Variants in TRIO observed in about 807,000 individuals in gnomAD.
The protein encoded by TRIO is triple functional domain protein.
In TRIO, 58 loss-of-function variants were observed where a neutral mutation model predicts 351.9. That is an observed-to-expected ratio of 0.16 (90% CI 0.13 to 0.21). The LOEUF (loss-of-function observed/expected upper bound fraction) is 0.21. TRIO is among the 10% of genes least tolerant of loss of function. The pLI, the probability that TRIO is intolerant of heterozygous loss-of-function variation, is 1.00. For synonymous variants in TRIO, 1,758 were observed against 1,595.7 expected (o/e 1.10, Z -2.42); for missense variants, 3,201 against 4,027.8 (o/e 0.79, Z 5.56).
intron 25 of TRIO, among the ~76,000 whole-genome samples, 163 bp from the exon 26 acceptor site, chr5:14,390,068 G>A (rs142368320): frequency 5.3e-5 from 8 of 152,318 alleles, no homozygotes; most frequent in South Asian, 4.1e-4. Context: ...ATTTGAAGGC[G>A]AAACTGGCTA....
chr5:14,275,822 AATAT>A (rs60490759), intron 2 of TRIO, among the ~76,000 whole-genome samples: 9,680 of 148,972 alleles, frequency 0.065, 381 homozygotes, highest in African/African-American at 0.11. Context: ...GTAATACACA[AATAT>A]ATATATACCA....
At chr5:14,460,532 C>T (rs1339684097) in intron 34 of TRIO, among the ~76,000 whole-genome samples, 1 of 152,234 alleles carries the variant, frequency 6.6e-6, no homozygotes, top group Non-Finnish European at 1.5e-5. Context: ...GAGAATCAAA[C>T]TAATGCACTT....
chr5:14,293,090 A>G lies in TRIO; in HGVS notation c.1132A>G (p.Met378Val), dbSNP rs573799858. The G allele has an allele frequency of 7.4e-6, 12 of 1,614,202 alleles. No homozygotes were observed. The African/African-American group carries it at 9.3e-5, about 13-fold the overall frequency. Residue 378 changes from methionine (M) to valine (V), a missense_variant, in exon 6 of 57, where the codon ATG (methionine) becomes GTG (valine). By Grantham distance (21) the Met-to-Val change is conservative (BLOSUM62 1). This residue lies in a region of TRIO where 349 missense variants were observed against 449.3 expected (regional missense o/e 0.78). Coordinates refer to ENST00000344204, the MANE Select transcript of TRIO (RefSeq NM_007118.4). ...TEIGTSHPHA[M>V]ELQTQHNHFA... ...GATTGGGACCAGCCACCCTCATGCC[A>G]TGGAGCTTCAGACGCAGCACAATCA... is the stretch of plus-strand genomic sequence containing the variant.
chr5:14,240,192 T>C (rs956190395), intron 1 of TRIO, among the ~76,000 whole-genome samples: 3 of 152,250 alleles, frequency 2.0e-5, no homozygotes, highest in Non-Finnish European at 4.4e-5. Flanking sequence ...AGAAACTAAG[T>C]GAAGCCTGAA....
intron 48 of TRIO, chr5:14,488,565 G>A (rs1756226151): frequency 3.9e-6 from 2 of 513,816 alleles, no homozygotes; most frequent in Admixed American, 3.5e-5. Context: ...TTTAACCTCT[G>A]CCTTCCTCAC....
chr5:14,476,807 A>T (rs1278806709), intron 40 of TRIO, 87 bp from the exon 41 acceptor site: 1 of 1,013,214 alleles, frequency 9.9e-7, no homozygotes, highest in Non-Finnish European at 1.4e-6. Context: ...AAAAAAAGAA[A>T]AAAAGAAAAA....
chr5:14,364,588 C>A, intron 14 of TRIO, 62 bp from the exon 15 acceptor site: 1 of 1,538,968 alleles, frequency 6.5e-7, no homozygotes, highest in East Asian at 2.3e-5. Flanking sequence ...TGCCATCCAC[C>A]CTTTGAGAAC....
At chr5:14,173,104 G>A (rs1190807503) in intron 1 of TRIO, among the ~76,000 whole-genome samples, 3 of 151,954 alleles carry the variant, frequency 2.0e-5, no homozygotes, top group East Asian at 1.9e-4. Context: ...GAAATGTGAC[G>A]GTTGGGGTGG....
chr5:14,305,248 C>T (rs1738258366), intron 8 of TRIO, among the ~76,000 whole-genome samples: 1 of 152,252 alleles, frequency 6.6e-6, no homozygotes, highest in Non-Finnish European at 1.5e-5. Flanking sequence ...TGCATGTTCT[C>T]AGTCACCACC....
intron 10 of TRIO, among the ~76,000 whole-genome samples, chr5:14,334,791 C>T (rs1237250859): frequency 6.6e-6 from 1 of 152,234 alleles, no homozygotes; most frequent in African/African-American, 2.4e-5. Flanking sequence ...GGAAGGAAGC[C>T]ACCTGCAGGT....
intron 11 of TRIO, among the ~76,000 whole-genome samples, chr5:14,356,781 G>A (rs75593790): frequency 0.027 from 4,102 of 152,126 alleles, 212 homozygotes; most frequent in African/African-American, 0.094. Flanking sequence ...ACTGCTATTC[G>A]ACAGTGGAAA....
intron 8 of TRIO, among the ~76,000 whole-genome samples, chr5:14,316,121 A>T (rs1739361962): frequency 6.6e-6 from 1 of 152,186 alleles, no homozygotes; most frequent in Non-Finnish European, 1.5e-5. Flanking sequence ...TAAAATTATT[A>T]CTTTTAAATT....
intron 40 of TRIO, among the ~76,000 whole-genome samples, chr5:14,475,388 C>T (rs1229134990): frequency 4.6e-5 from 7 of 152,116 alleles, no homozygotes; most frequent in African/African-American, 1.7e-4. Flanking sequence ...CCTGGGTGTT[C>T]CCCATCAGAC....
In TRIO at chr5:14,270,834, A is replaced by G. The variant is rs1318239714; in HGVS notation, c.167A>G (p.Lys56Arg). The change falls in exon 2 of 57, where the codon AAA becomes AGA. Residue 56 changes from lysine (K) to arginine (R), a missense_variant. By Grantham distance (26) the Lys-to-Arg change is conservative (BLOSUM62 2). This residue lies in a region of TRIO where 109 missense variants were observed against 134.6 expected (regional missense o/e 0.81). Transcript: ENST00000344204. ...IAAFFRSGFRKNDEMKAMDVL... is the reference protein window; with the variant it reads ...IAAFFRSGFRRNDEMKAMDVL... ...TCCTTCTGTATTTCAGGGTTTCGAA[A>G]AAACGATGAAATGAAAGCTATGGAT... 6.2e-7 allele frequency: 1 copy of G among 1,613,778 alleles called. No individual in the cohort carries two copies. The highest frequency in any genetic ancestry group is 2.2e-5 in the East Asian group (1 of 44,882).
intron 27 of TRIO, among the ~76,000 whole-genome samples, chr5:14,392,779 G>T (rs1183433197): frequency 6.6e-6 from 1 of 152,206 alleles, no homozygotes; most frequent in Non-Finnish European, 1.5e-5. Context: ...GGGCACAGCG[G>T]CTCACGCCTG....
chr5:14,387,233 C>T (rs1746622390), intron 21 of TRIO: 1 of 485,962 alleles, frequency 2.1e-6, no homozygotes, highest in Admixed American at 3.4e-5. Flanking sequence ...ATAAAAATGC[C>T]ATTCGTTGTA....
chr5:14,310,656 G>A (rs1393023131), intron 8 of TRIO, among the ~76,000 whole-genome samples: 1 of 152,228 alleles, frequency 6.6e-6, no homozygotes, highest in Non-Finnish European at 1.5e-5. Flanking sequence ...TCTCCGTGAT[G>A]TGTGTGGAAG....
chr5:14,227,497 AT>A (rs1043348118), intron 1 of TRIO, among the ~76,000 whole-genome samples: 2 of 152,160 alleles, frequency 1.3e-5, no homozygotes, highest in African/African-American at 4.8e-5. Context: ...CCAGTTTTTT[AT>A]TTAATGCAGT....
intron 53 of TRIO, 113 bp downstream of exon 53, chr5:14,498,753 T>C: frequency 6.7e-7 from 1 of 1,494,992 alleles, no homozygotes; most frequent in Middle Eastern, 1.8e-4. Flanking sequence ...GATAGAACAA[T>C]AAGTCATTTG....
Sources: gnomAD v4.1 joint callset for allele counts (sites outside exome capture counted in the v4.1 genomes callset) on GRCh38, gnomAD v4.1.1 for gene constraint, gnomAD v4.1.1 regional missense constraint, MANE v1.5 for transcripts, NCBI Gene and HGNC (gene_info 2026-07-23, HGNC 2026-07-21) for gene names.